The following KLF12 variants were observed in gnomAD, a reference collection of about 807,000 sequenced individuals.
KLF12 encodes the protein KLF transcription factor 12.
KLF12 carries 9 observed loss-of-function variants against 37.8 expected under a neutral mutation model. That is an observed-to-expected ratio of 0.24 (90% confidence interval 0.14 to 0.42). The LOEUF (loss-of-function observed/expected upper bound fraction) is 0.42, where lower values mean the gene tolerates loss of function less well. KLF12 is among the 10% of genes least tolerant of loss of function. The pLI is 1.00. For synonymous variants in KLF12, 208 were observed against 202.1 expected (o/e 1.03, Z -0.25); for missense variants, 411 against 516.0 (o/e 0.80, Z 1.97).
At chr13:74,030,504 T>G (rs548518853) in intron 1 of KLF12, among the ~76,000 whole-genome samples, 22 of 152,230 alleles carry the variant, frequency 1.4e-4, no homozygotes, top group Non-Finnish European at 3.1e-4. Flanking sequence ...ATTAAATTTC[T>G]AAATACCTAG....
chr13:74,254,211 T>G, the KLF12 span, among the ~76,000 whole-genome samples: 2,538 of 152,300 alleles, frequency 0.017, 82 homozygotes, highest in African/African-American at 0.058. Flanking sequence ...AATGTCCACA[T>G]AGTCTTTACT....
At chr13:73,983,697 T>A (rs1891747513) in intron 2 of KLF12, among the ~76,000 whole-genome samples, 1 of 152,148 alleles carries the variant, frequency 6.6e-6, no homozygotes, top group African/African-American at 2.4e-5. Context: ...TTTCCTAAAC[T>A]CTCAATCACA....
intron 2 of KLF12, among the ~76,000 whole-genome samples, chr13:73,952,745 G>A (rs1251121654): frequency 6.6e-6 from 1 of 152,218 alleles, no homozygotes; most frequent in African/African-American, 2.4e-5. Flanking sequence ...AGGTGGTGAC[G>A]AGTCATGAAG....
chr13:73,702,940 G>T (rs1874666151), intron 7 of KLF12, among the ~76,000 whole-genome samples: 1 of 152,126 alleles, frequency 6.6e-6, no homozygotes, highest in Admixed American at 6.6e-5. Flanking sequence ...CAAGGCCCCT[G>T]ACTTGTCTGC....
chr13:74,249,147 G>C, the KLF12 span, among the ~76,000 whole-genome samples: 3 of 151,500 alleles, frequency 2.0e-5, no homozygotes, highest in African/African-American at 7.3e-5. Flanking sequence ...TTCTTTCTCT[G>C]CCTCAAGATT....
chr13:73,755,127 AT>A (rs1476944507), intron 6 of KLF12, among the ~76,000 whole-genome samples: 18 of 152,234 alleles, frequency 1.2e-4, no homozygotes, highest in African/African-American at 3.6e-4. Context: ...AAAGCGAAAA[AT>A]AATAGGTATA....
chr13:73,695,497 A>G lies in KLF12; in HGVS notation c.1202T>C (p.Leu401Ser), dbSNP rs1802931828. The change falls in exon 8 of 8, where the codon TTG becomes TCG. Residue 401 changes from leucine to serine, a missense_variant. Leu to Ser is a moderately radical substitution (Grantham distance 145, BLOSUM62 -2). Transcript: ENST00000377669. The stretch of plus-strand genomic sequence containing the variant: ...CTGGACAGGTAGCATTCCTCACACC[A>G]ACATATGCCTCCGGCGGTGCAGGGC... The G allele has an allele frequency of 6.2e-7, 1 of 1,613,746 alleles. No homozygotes were observed. Among genetic ancestry groups the G allele is most frequent in the Middle Eastern group, 1.7e-4 (1 of 5,850 alleles).
upstream of KLF12, among the ~76,000 whole-genome samples, chr13:74,134,364 G>C (rs1351553953): frequency 6.6e-6 from 1 of 151,054 alleles, no homozygotes; most frequent in Admixed American, 6.6e-5. Flanking sequence ...TGGGGCCCCC[G>C]AGCCGCTCCG....
chr13:74,103,843 C>A (rs188438997), intron 1 of KLF12, among the ~76,000 whole-genome samples: 1 of 152,176 alleles, frequency 6.6e-6, no homozygotes, highest in African/African-American at 2.4e-5. Flanking sequence ...CTTGTCATGA[C>A]AACATGGGAC....
the KLF12 span, among the ~76,000 whole-genome samples, chr13:74,150,656 T>G: frequency 6.6e-6 from 1 of 152,228 alleles, no homozygotes; most frequent in Non-Finnish European, 1.5e-5. Flanking sequence ...ATGGCATATC[T>G]GAATTCCCAG....
chr13:74,039,104 C>T (rs1351727774), intron 1 of KLF12, among the ~76,000 whole-genome samples: 1 of 144,360 alleles, frequency 6.9e-6, no homozygotes, highest in East Asian at 1.9e-4. Context: ...TTTATTTACG[C>T]ATTTTTTTCC....
At chr13:73,833,818 T>C (rs1228583226) in intron 4 of KLF12, among the ~76,000 whole-genome samples, 3 of 152,146 alleles carry the variant, frequency 2.0e-5, no homozygotes, top group African/African-American at 4.8e-5. Flanking sequence ...GTGAGGTAGA[T>C]GTGAGGACGT....
the KLF12 span, among the ~76,000 whole-genome samples, chr13:74,284,445 G>T: frequency 3.3e-5 from 5 of 152,300 alleles, no homozygotes; most frequent in African/African-American, 1.2e-4. Flanking sequence ...ATGTAAAACA[G>T]TGTGATGATT....
intron 3 of KLF12, among the ~76,000 whole-genome samples, chr13:73,897,877 C>T (rs1927008): frequency 0.073 from 11,110 of 152,270 alleles, 419 homozygotes; most frequent in East Asian, 0.13. Context: ...TCAAACTTGT[C>T]TCATAATGTG....
the KLF12 span, among the ~76,000 whole-genome samples, chr13:74,251,831 G>A: frequency 6.6e-6 from 1 of 152,316 alleles, no homozygotes; most frequent in South Asian, 2.1e-4. Context: ...TATTCTTTCT[G>A]GCACAGAGGA....
intron 1 of KLF12, among the ~76,000 whole-genome samples, chr13:74,111,312 A>G (rs971130882): frequency 1.1e-4 from 17 of 152,198 alleles, no homozygotes; most frequent in African/African-American, 4.1e-4. Flanking sequence ...GAAAATTTGA[A>G]TCATAAGACA....
At chr13:74,138,572 C>T (rs149054612), upstream of KLF12, among the ~76,000 whole-genome samples, 1 of 152,252 alleles carries the variant, frequency 6.6e-6, no homozygotes, top group African/African-American at 2.4e-5. Flanking sequence ...GGGGAAAATG[C>T]CATTTCGTAA....
At chr13:74,222,943 C>T in the KLF12 span, among the ~76,000 whole-genome samples, 1 of 152,282 alleles carries the variant, frequency 6.6e-6, no homozygotes, top group African/African-American at 2.4e-5. Flanking sequence ...AACAAATCCA[C>T]TTTTTAGAAA....
the KLF12 span, among the ~76,000 whole-genome samples, chr13:74,227,627 C>T: frequency 1.3e-5 from 2 of 152,086 alleles, no homozygotes; most frequent in Non-Finnish European, 2.9e-5. Context: ...ATAGGCTTAG[C>T]AAACAATACA....
Sources: allele counts gnomAD v4.1 joint callset (sites outside exome capture counted in the v4.1 genomes callset), GRCh38; gene constraint gnomAD v4.1.1; transcripts MANE v1.5; gene names NCBI Gene and HGNC (gene_info 2026-07-23, HGNC 2026-07-21).